The following AGBL4 variants were observed in gnomAD, a reference collection of about 807,000 sequenced individuals.
The protein encoded by AGBL4 is cytosolic carboxypeptidase 6.
In AGBL4, 58 loss-of-function variants were observed where a neutral mutation model predicts 66.4. The observed-to-expected ratio is 0.87, with a 90% CI of 0.71 to 1.09. The LOEUF is 1.09. Ranked by LOEUF, AGBL4 falls within the 50% of genes least tolerant of loss-of-function variation. AGBL4 has a pLI of 0.00. For missense variants in AGBL4, 579 were observed against 631.0 expected, an observed-to-expected ratio of 0.92 and a Z score of 0.88; for synonymous variants, 234 against 222.9, an observed-to-expected ratio of 1.05 and a Z score of -0.44.
At chr1:49,746,114 A>G (rs927652033) in intron 2 of AGBL4, among the ~76,000 whole-genome samples, 2 of 151,994 alleles carry the variant, frequency 1.3e-5, no homozygotes, top group African/African-American at 2.4e-5. Context: ...CAGTTTATTC[A>G]TCAGTATAGC....
chr1:49,203,629 G>A (rs1647896198), intron 4 of AGBL4, among the ~76,000 whole-genome samples: 1 of 152,074 alleles, frequency 6.6e-6, no homozygotes, highest in Admixed American at 6.6e-5. Context: ...ATGGGAAGTT[G>A]TTGTTTAATG....
At chr1:49,920,109 C>A (rs1344609829) in intron 1 of AGBL4, among the ~76,000 whole-genome samples, 2 of 152,228 alleles carry the variant, frequency 1.3e-5, no homozygotes, top group South Asian at 2.1e-4. Flanking sequence ...TAAAGACTTA[C>A]ATGTTAGACC....
At chr1:48,872,110 C>T (rs1290326972) in intron 5 of AGBL4, among the ~76,000 whole-genome samples, 1 of 152,094 alleles carries the variant, frequency 6.6e-6, no homozygotes, top group Non-Finnish European at 1.5e-5. Flanking sequence ...TTTGAGTCAA[C>T]TGCAACCAAG....
intron 1 of AGBL4, among the ~76,000 whole-genome samples, chr1:49,993,272 G>A (rs1660102568): frequency 6.6e-6 from 1 of 152,182 alleles, no homozygotes; most frequent in African/African-American, 2.4e-5. Context: ...TACATTTAAG[G>A]TTGACATTGT....
At chr1:48,811,787 A>G (rs1272837098) in intron 6 of AGBL4, among the ~76,000 whole-genome samples, 3 of 152,182 alleles carry the variant, frequency 2.0e-5, no homozygotes, top group South Asian at 4.2e-4. Flanking sequence ...TTGTGTTGCA[A>G]CAGATAGGGT....
At chr1:48,987,438 AAT>A (rs1447298335) in intron 5 of AGBL4, among the ~76,000 whole-genome samples, 5 of 152,066 alleles carry the variant, frequency 3.3e-5, no homozygotes, top group African/African-American at 1.2e-4. Flanking sequence ...ATTTCATAAT[AAT>A]AAAGGGGTTA....
rs901063167 is a variant in AGBL4 at position 49,260,648 on chromosome 1, A to T, written c.283-14784T>A. Reference sequence around the variant, plus strand: ...CTGAATAGACCAATAACAGGCTCTGAAATTGTGGCAAAAATCAATAACTTA... The same window carrying T: ...CTGAATAGACCAATAACAGGCTCTGTAATTGTGGCAAAAATCAATAACTTA... On this transcript the variant is annotated intron_variant, in intron 3 of 13. Coordinates refer to ENST00000371839, the MANE Select transcript of AGBL4 (RefSeq NM_032785.4). Among the ~76,000 whole-genome samples, 19 of 152,276 alleles carry T rather than the reference A, an allele frequency of 1.2e-4. No homozygotes were observed. The South Asian group carries it at 2.7e-3, about 22-fold the overall frequency.
At chr1:48,829,879 A>T (rs183274241) in intron 6 of AGBL4, among the ~76,000 whole-genome samples, 14 of 152,048 alleles carry the variant, frequency 9.2e-5, no homozygotes, top group African/African-American at 3.1e-4. Flanking sequence ...ATCAAAATAC[A>T]TTTTTTTTCA....
chr1:49,644,102 T>C lies in AGBL4; in HGVS notation c.282+53211A>G, dbSNP rs76040262. 6.5e-3 allele frequency among the ~76,000 whole-genome samples: 983 copies of C among 151,708 alleles called. 6 individuals carry two copies. Among genetic ancestry groups the C allele is most frequent in the Middle Eastern group, 0.031 (9 of 294 alleles). Reference sequence around the variant, plus strand: ...GAAGTATATTCTTGTGAGGTTGTTATAATACACAATAAGTGGCATAATATT... The same window carrying C: ...GAAGTATATTCTTGTGAGGTTGTTACAATACACAATAAGTGGCATAATATT... On this transcript the variant is annotated intron_variant, in intron 3 of 13. Transcript: ENST00000371839.
At chr1:48,990,900 T>G (rs1262701781) in intron 5 of AGBL4, among the ~76,000 whole-genome samples, 1 of 152,174 alleles carries the variant, frequency 6.6e-6, no homozygotes, top group Admixed American at 6.5e-5. Flanking sequence ...CCCACTTTTT[T>G]GTTTCTATTT....
chr1:49,242,333 T>A (rs1257848259), intron 4 of AGBL4, among the ~76,000 whole-genome samples: 1 of 152,026 alleles, frequency 6.6e-6, no homozygotes, highest in Non-Finnish European at 1.5e-5. Context: ...CAATAAGTTA[T>A]TTCAGATTAT....
At chr1:49,135,459 G>A (rs971978247) in intron 4 of AGBL4, among the ~76,000 whole-genome samples, 1 of 152,130 alleles carries the variant, frequency 6.6e-6, no homozygotes, top group Non-Finnish European at 1.5e-5. Context: ...AAATATAGAG[G>A]TGTGAAGTGG....
intron 3 of AGBL4, among the ~76,000 whole-genome samples, chr1:49,344,060 T>G (rs915621143): frequency 2.6e-5 from 4 of 152,212 alleles, no homozygotes; most frequent in African/African-American, 7.2e-5. Flanking sequence ...AGGTAAATCT[T>G]GAGGACATGT....
chr1:49,197,646 C>A (rs1444191623), intron 4 of AGBL4, among the ~76,000 whole-genome samples: 1 of 152,180 alleles, frequency 6.6e-6, no homozygotes, highest in Non-Finnish European at 1.5e-5. Context: ...GGCTCAATCA[C>A]CTGTCCTGAC....
chr1:48,710,439 G>C (rs1292667529), intron 6 of AGBL4, among the ~76,000 whole-genome samples: 1 of 152,216 alleles, frequency 6.6e-6, no homozygotes, highest in Admixed American at 6.5e-5. Flanking sequence ...GAGCCAGAGC[G>C]TGGGGTGGTT....
intron 5 of AGBL4, among the ~76,000 whole-genome samples, chr1:48,952,186 C>T (rs941317381): frequency 1.6e-4 from 24 of 152,296 alleles, no homozygotes; most frequent in East Asian, 9.6e-4. Context: ...GTGAATAACA[C>T]GTTTATCCAT....
intron 4 of AGBL4, among the ~76,000 whole-genome samples, chr1:49,132,418 C>T (rs1645918277): frequency 6.6e-6 from 1 of 152,134 alleles, no homozygotes; most frequent in Non-Finnish European, 1.5e-5. Context: ...ATAGACTCTT[C>T]AGTGTCTGGG....
intron 5 of AGBL4, among the ~76,000 whole-genome samples, chr1:49,024,992 G>T (rs1007135180): frequency 5.3e-5 from 8 of 152,194 alleles, no homozygotes; most frequent in African/African-American, 1.9e-4. Context: ...TATCGGGGTA[G>T]AGGGTAGGGT....
chr1:49,418,331 T>A (rs1484102759), intron 3 of AGBL4, among the ~76,000 whole-genome samples: 1 of 152,178 alleles, frequency 6.6e-6, no homozygotes, highest in Non-Finnish European at 1.5e-5. Context: ...ATTATCACCT[T>A]GACTGCTTTC....
Sources: gnomAD v4.1 joint callset for allele counts (sites outside exome capture counted in the v4.1 genomes callset) on GRCh38, gnomAD v4.1.1 for gene constraint, MANE v1.5 for transcripts, NCBI Gene and HGNC (gene_info 2026-07-23, HGNC 2026-07-21) for gene names.